Variants in FBXL17 observed in about 807,000 individuals in gnomAD.
The protein encoded by FBXL17 is F-box/LRR-repeat protein 17.
A neutral mutation model predicts 66.2 loss-of-function variants in FBXL17; 22 were observed. The observed-to-expected ratio is 0.33, with a 90% CI of 0.24 to 0.47. The LOEUF is 0.47. Ranked by LOEUF, FBXL17 falls within the 20% of genes least tolerant of loss-of-function variation. The pLI, the probability that FBXL17 is intolerant of heterozygous loss-of-function variation, is 1.00. For synonymous variants in FBXL17, 474 were observed against 400.5 expected (o/e 1.18, Z -2.19); for missense variants, 878 against 948.2 (o/e 0.93, Z 0.97).
At chr5:108,023,292 T>C (rs1754667747) in intron 6 of FBXL17, among the ~76,000 whole-genome samples, 1 of 152,150 alleles carries the variant, frequency 6.6e-6, no homozygotes, top group South Asian at 2.1e-4. Context: ...TTTATATCTG[T>C]TATGGATTTT....
At chr5:108,133,242 T>C (rs756782474) in intron 6 of FBXL17, among the ~76,000 whole-genome samples, 10 of 152,180 alleles carry the variant, frequency 6.6e-5, no homozygotes, top group Non-Finnish European at 1.3e-4. Flanking sequence ...TTTATCTTTT[T>C]CTATTTGTGT....
At chr5:107,900,128 A>AT (rs1362677188) in intron 7 of FBXL17, among the ~76,000 whole-genome samples, 4 of 152,182 alleles carry the variant, frequency 2.6e-5, no homozygotes, top group Non-Finnish European at 5.9e-5. Context: ...AACACCTGAT[A>AT]TTTTTTGTAA....
At chr5:108,252,493 A>G (rs970740743) in intron 4 of FBXL17, among the ~76,000 whole-genome samples, 3 of 152,186 alleles carry the variant, frequency 2.0e-5, no homozygotes, top group African/African-American at 7.2e-5. Context: ...GAATTCTCTA[A>G]GAGTATTATT....
In FBXL17 at chr5:108,381,488, G is replaced by A. The variant is rs1229583589; in HGVS notation, c.204C>T (p.Pro68=). 7.4e-7 allele frequency: 1 copy of A among 1,350,722 alleles called. No individual in the cohort carries two copies. Among genetic ancestry groups the A allele is most frequent in the Non-Finnish European group, 9.4e-7 (1 of 1,059,268 alleles). The allele number at this position is 1,350,722 out of a possible 1,614,324, so 83.7% of individuals were successfully genotyped here. ...PCMLCFIVHS[P]GAPAPAGPEE... Reference sequence around the variant, plus strand: ...CTGGGCCGGCGGGGGCGGGCGCGCCGGGACTGTGCACGATGAAGCAGAGCA... The same window carrying A: ...CTGGGCCGGCGGGGGCGGGCGCGCCAGGACTGTGCACGATGAAGCAGAGCA... Residue 68 remains proline (P), a synonymous_variant, in exon 1 of 9, where the codon CCC becomes CCT. Coordinates refer to ENST00000542267, the MANE Select transcript of FBXL17 (RefSeq NM_001163315.3).
At chr5:108,355,531 C>T (rs530880747) in intron 3 of FBXL17, among the ~76,000 whole-genome samples, 19 of 152,068 alleles carry the variant, frequency 1.2e-4, no homozygotes, top group Non-Finnish European at 2.1e-4. Flanking sequence ...AAGCCACCTG[C>T]CTCAGCCTCC....
At chr5:108,161,161 G>GATAGATAGATACATACATACATAC (rs376656671) in intron 6 of FBXL17, among the ~76,000 whole-genome samples, 22 of 149,314 alleles carry the variant, frequency 1.5e-4, no homozygotes, top group African/African-American at 5.5e-4. Flanking sequence ...TCAACAAATA[G>GATAGATAGATACATACATACATAC]ATACATACAT....
intron 6 of FBXL17, among the ~76,000 whole-genome samples, chr5:108,049,283 C>T (rs1747380543): frequency 6.6e-6 from 1 of 151,918 alleles, no homozygotes; most frequent in African/African-American, 2.4e-5. Context: ...GATGGGATTA[C>T]AGGCACCCAC....
chr5:107,896,685 A>C (rs1358677072), intron 7 of FBXL17, among the ~76,000 whole-genome samples: 4 of 152,204 alleles, frequency 2.6e-5, no homozygotes, highest in Non-Finnish European at 5.9e-5. Flanking sequence ...AAAAGCCATG[A>C]CATTACAAGA....
intron 7 of FBXL17, among the ~76,000 whole-genome samples, chr5:107,954,033 TCTCA>T (rs1398955498): frequency 2.0e-5 from 3 of 152,228 alleles, no homozygotes; most frequent in Non-Finnish European, 2.9e-5. Context: ...CTCAATAAAT[TCTCA>T]CTGTGTTGAA....
chr5:108,070,802 G>C (rs750266961), intron 6 of FBXL17, among the ~76,000 whole-genome samples: 39 of 152,118 alleles, frequency 2.6e-4, no homozygotes, highest in Non-Finnish European at 2.6e-4. Context: ...AGAGCATAAA[G>C]GCCCTCTAAA....
rs139766642 is a variant in FBXL17, at chr5:108,245,895, C to T, written c.1507-21667G>A. ...GGGTATTTTCATGATAACTCTTCTACCCAAGTCCAAGTTAACATATGTAAG... is the reference window on the plus strand; with the variant it reads ...GGGTATTTTCATGATAACTCTTCTATCCAAGTCCAAGTTAACATATGTAAG... On this transcript the variant is annotated intron_variant, in intron 4 of 8. Coordinates refer to ENST00000542267, the MANE Select transcript of FBXL17 (RefSeq NM_001163315.3). Among the ~76,000 whole-genome samples, 5 of 152,224 alleles carry T rather than the reference C, an allele frequency of 3.3e-5. No individual in the cohort carries two copies. In the South Asian group the frequency reaches 8.3e-4, roughly 25 times the overall value.
chr5:108,275,920 CA>C (rs1465162137), intron 4 of FBXL17, among the ~76,000 whole-genome samples: 1 of 152,136 alleles, frequency 6.6e-6, no homozygotes, highest in East Asian at 1.9e-4. Context: ...GGAATGTTGG[CA>C]GGAGAGAATT....
At chr5:108,166,275 G>A (rs1752412044) in intron 6 of FBXL17, among the ~76,000 whole-genome samples, 1 of 152,172 alleles carries the variant, frequency 6.6e-6, no homozygotes, top group African/African-American at 2.4e-5. Flanking sequence ...CATGGGCCTG[G>A]AAAAACAGAG....
At position 108,020,702 on chromosome 5, in the gene FBXL17, ATG is replaced by A. The variant is rs1350318470; in HGVS notation, c.1822+221_1822+222del. 33 of 405,874 alleles carry A rather than the reference ATG, an allele frequency of 8.1e-5. 1 individual carries two copies. In the South Asian group the frequency reaches 1.2e-3, roughly 15 times the overall value. The allele number at this position is 405,874 out of a possible 1,614,324, so 25.1% of individuals were successfully genotyped here. ...TGTGTGTGCAAACATACATGTGTGCATGTGTGTGTGATTGCATGTGGCAATGA... is the reference window on the plus strand; with the variant it reads ...TGTGTGTGCAAACATACATGTGTGCATGTGTGTGATTGCATGTGGCAATGA... On this transcript the variant is annotated intron_variant, in intron 7 of 8. Transcript: ENST00000542267.
chr5:107,914,143 A>T (rs988695744), intron 7 of FBXL17, among the ~76,000 whole-genome samples: 1 of 152,312 alleles, frequency 6.6e-6, no homozygotes, highest in African/African-American at 2.4e-5. Flanking sequence ...CTTTTCTCTA[A>T]ACCCTACAAG....
At chr5:108,377,396 T>C (rs1384371083) in intron 1 of FBXL17, among the ~76,000 whole-genome samples, 1 of 152,248 alleles carries the variant, frequency 6.6e-6, no homozygotes, top group Non-Finnish European at 1.5e-5. Context: ...TTTCCTTGTT[T>C]TCCCCTACCA....
Position 107,937,591 on chromosome 5 carries a change from T to A in FBXL17, c.1823-56412A>T, listed in dbSNP as rs183780643. Among the ~76,000 whole-genome samples, 18 of 152,292 alleles carry A rather than the reference T, an allele frequency of 1.2e-4. No individual in the cohort carries two copies. In the East Asian group the frequency reaches 3.3e-3, roughly 28 times the overall value. On this transcript the variant is annotated intron_variant, in intron 7 of 8. Transcript: ENST00000542267. ...AGCAATTATTGTCTCTCCATTCTAA[T>A]CATGAGATGAACTTTCATCATAATA... is the stretch of plus-strand genomic sequence containing the variant.
chr5:108,143,510 T>G (rs1489808404), intron 6 of FBXL17, among the ~76,000 whole-genome samples: 1 of 152,014 alleles, frequency 6.6e-6, no homozygotes, highest in African/African-American at 2.4e-5. Flanking sequence ...GAACACTCAG[T>G]CTTCTGATTC....
chr5:107,906,073 T>TC (rs1749747156), intron 7 of FBXL17, among the ~76,000 whole-genome samples: 1 of 151,926 alleles, frequency 6.6e-6, no homozygotes, highest in South Asian at 2.1e-4. Flanking sequence ...TTTTTTTTTT[T>TC]CAAGAAGTTT....
Sources: allele counts gnomAD v4.1 joint callset (sites outside exome capture counted in the v4.1 genomes callset), GRCh38; gene constraint gnomAD v4.1.1; transcripts MANE v1.5; gene names NCBI Gene and HGNC (gene_info 2026-07-23, HGNC 2026-07-21).